Variants in TSPAN14 observed in about 807,000 individuals in gnomAD.
The protein encoded by TSPAN14 is tetraspanin-14.
TSPAN14 carries 16 observed loss-of-function variants against 36.6 expected under a neutral mutation model. The observed-to-expected ratio is 0.44, with a 90% CI of 0.30 to 0.66. TSPAN14 has a LOEUF of 0.66. Ranked by LOEUF, TSPAN14 falls within the 30% of genes least tolerant of loss-of-function variation. The pLI is 0.12. For missense variants in TSPAN14, 231 were observed against 355.1 expected (o/e 0.65, Z 2.81); for synonymous variants, 139 against 143.8 (o/e 0.97, Z 0.24).
chr10:80,461,555 C>T (rs933672779), intron 1 of TSPAN14, among the ~76,000 whole-genome samples: 20 of 152,074 alleles, frequency 1.3e-4, no homozygotes, highest in African/African-American at 3.6e-4. Context: ...CTCTGGGGTG[C>T]TAAGTGTGTG....
chr10:80,480,179 T>G (rs1283585883), intron 1 of TSPAN14, among the ~76,000 whole-genome samples: 2 of 151,092 alleles, frequency 1.3e-5, no homozygotes, highest in African/African-American at 4.9e-5. Context: ...CTTATCAGCT[T>G]AAGGAGCTTT....
intron 1 of TSPAN14, among the ~76,000 whole-genome samples, chr10:80,475,787 A>G (rs1399658276): frequency 1.3e-5 from 2 of 152,156 alleles, no homozygotes; most frequent in African/African-American, 4.8e-5. Context: ...GGGTTTCACC[A>G]TCTTGGCCAG....
At position 80,509,551 on chromosome 10, in the gene TSPAN14, G is replaced by A. The variant is rs946268191; in HGVS notation, c.450+80G>A. On this transcript the variant is annotated intron_variant, in intron 5 of 8. Coordinates refer to ENST00000429989, the Ensembl canonical transcript of TSPAN14. The surrounding 1 kb of genome is among the most constrained non-coding windows in gnomAD (Gnocchi z 4.7). Reference sequence around the variant, plus strand: ...GGAGCTGAGTCTAGCAGGGGCATCAGGCCTTCTCTGTGGGTTGTCTGCCTG... The same window carrying A: ...GGAGCTGAGTCTAGCAGGGGCATCAAGCCTTCTCTGTGGGTTGTCTGCCTG... 21 of 1,479,956 alleles carry A rather than the reference G, an allele frequency of 1.4e-5. No homozygotes were observed. The highest frequency in any genetic ancestry group is 1.9e-5 in the Non-Finnish European group (21 of 1,090,512). The allele number at this position is 1,479,956 out of a possible 1,614,324, so 91.7% of individuals were successfully genotyped here. A position where few individuals can be genotyped will look rare whatever the true frequency, so the allele number is the denominator to read the frequency against.
intron 1 of TSPAN14, among the ~76,000 whole-genome samples, chr10:80,462,071 A>G (rs1846002342): frequency 6.6e-6 from 1 of 151,828 alleles, no homozygotes; most frequent in Non-Finnish European, 1.5e-5. Flanking sequence ...GCAGCACCAC[A>G]CCCAGCTAAT....
chr10:80,480,597 G>A (rs1351670920), intron 1 of TSPAN14, among the ~76,000 whole-genome samples: 2 of 152,166 alleles, frequency 1.3e-5, no homozygotes, highest in Admixed American at 6.5e-5. Flanking sequence ...ATACTATGCA[G>A]CCATAAAAAA....
chr10:80,462,369 T>TGGGGTGGGGTGGGATGGGAG (rs1846023020), intron 1 of TSPAN14, among the ~76,000 whole-genome samples: 4 of 20,140 alleles, frequency 2.0e-4, no homozygotes, highest in Admixed American at 7.3e-4. Context: ...TGGGATGGGA[T>TGGGGTGGGGTGGGATGGGAG]GGGGTGGGGT....
intron 6 of TSPAN14, among the ~76,000 whole-genome samples, chr10:80,512,657 CTG>C (rs1421521884): frequency 6.6e-6 from 1 of 152,168 alleles, no homozygotes; most frequent in Non-Finnish European, 1.5e-5. Flanking sequence ...ACATCATTAA[CTG>C]GGGAACAGTA....
chr10:80,512,084 TG>T, intron 5 of TSPAN14, 59 bp from the exon 6 acceptor site: 1 of 1,611,100 alleles, frequency 6.2e-7, no homozygotes, highest in Non-Finnish European at 8.5e-7. Context: ...TGATGCCCTA[TG>T]CTGGGCAGCC....
chr10:80,518,108 C>G, exon 9 of TSPAN14: 1 of 940,976 alleles, frequency 1.1e-6, no homozygotes. Flanking sequence ...ATCAGCGTGA[C>G]GTGACCTCTC....
intron 1 of TSPAN14, among the ~76,000 whole-genome samples, chr10:80,461,132 G>A (rs1845943804): frequency 1.3e-5 from 2 of 152,092 alleles, no homozygotes; most frequent in Admixed American, 1.3e-4. Context: ...TTTTCTCTCT[G>A]GCCCTCCTGT....
chr10:80,456,358 C>G (rs771526316), intron 1 of TSPAN14, among the ~76,000 whole-genome samples: 14 of 152,140 alleles, frequency 9.2e-5, no homozygotes, highest in Non-Finnish European at 1.3e-4. Context: ...GGAATTGTCC[C>G]CTTCACCAGC....
At chr10:80,492,434 T>C (rs551505390) in intron 2 of TSPAN14, among the ~76,000 whole-genome samples, 17 of 152,320 alleles carry the variant, frequency 1.1e-4, no homozygotes, top group African/African-American at 4.1e-4. Context: ...CAAGTTTGAA[T>C]GTGCAGAAGG....
intron 1 of TSPAN14, among the ~76,000 whole-genome samples, chr10:80,476,686 A>C (rs931930612): frequency 6.6e-6 from 1 of 152,014 alleles, no homozygotes; most frequent in African/African-American, 2.4e-5. Flanking sequence ...AAGTGCTGGG[A>C]TTACAGGAGT....
At chr10:80,504,673 T>C in intron 2 of TSPAN14, 55 bp from the exon 3 acceptor site, 1 of 1,609,658 alleles carries the variant, frequency 6.2e-7, no homozygotes, top group Non-Finnish European at 8.5e-7. Flanking sequence ...TGAAGCATGT[T>C]CACAGTGCTG....
In TSPAN14 at chr10:80,509,672, T is replaced by C; in HGVS notation, c.450+201T>C. 1 of 596,192 alleles carries C rather than the reference T, an allele frequency of 1.7e-6. No homozygotes were observed. The highest frequency in any genetic ancestry group is 2.1e-5 in the South Asian group (1 of 48,054). The allele number at this position is 596,192 out of a possible 1,614,324, so 36.9% of individuals were successfully genotyped here. A position where few individuals can be genotyped will look rare whatever the true frequency, so the allele number is the denominator to read the frequency against. On this transcript the variant is annotated intron_variant, in intron 5 of 8. Transcript: ENST00000429989. The surrounding 1 kb of genome is among the most constrained non-coding windows in gnomAD (Gnocchi z 4.7). ...TGTGGTTGCCTGGTGGGCCAGCCCT[T>C]TCCCATTGGGATTGGGCAGGCAAGT...
chr10:80,468,540 G>A (rs1846362320), intron 1 of TSPAN14: 1 of 152,116 alleles, frequency 6.6e-6, no homozygotes, highest in Non-Finnish European at 1.5e-5. Context: ...TTCCTTCTGT[G>A]TGTCAGCGTT....
Position 80,495,335 on chromosome 10 carries a change from C to CTGTGTGTGTGTG in TSPAN14, c.81+6053_81+6064dup, listed in dbSNP as rs3041272. ...ATAGGAAGTTGACTGTCTTTTGGCA[C>CTGTGTGTGTGTG]TGTGTGTGTGTGTGTGTGTGTGTGT... On this transcript the variant is annotated intron_variant, in intron 2 of 8. Transcript: ENST00000429989. Among the ~76,000 whole-genome samples the CTGTGTGTGTGTG allele has an allele frequency of 1.2e-3, 168 of 135,716 alleles. 1 individual carries two copies. Among genetic ancestry groups the CTGTGTGTGTGTG allele is most frequent in the Non-Finnish European group, 1.8e-3 (117 of 64,682 alleles). The allele number at this position is 135,716 out of a possible 152,430, so 89.0% of individuals were successfully genotyped here.
At chr10:80,520,959 C>G (rs1167442477) in exon 9 of TSPAN14, 1 of 434,314 alleles carries the variant, frequency 2.3e-6, no homozygotes. Flanking sequence ...CCGGGGAATC[C>G]CACTACCCAC....
At chr10:80,501,105 GTT>G (rs10713598) in intron 2 of TSPAN14, among the ~76,000 whole-genome samples, 89 of 140,018 alleles carry the variant, frequency 6.4e-4, no homozygotes, top group Middle Eastern at 3.6e-3. Flanking sequence ...AACTGACGCT[GTT>G]TTTTTTTTTT....
Sources: allele counts gnomAD v4.1 joint callset (sites outside exome capture counted in the v4.1 genomes callset), GRCh38; gene constraint gnomAD v4.1.1; non-coding constraint Gnocchi (gnomAD v3.1); transcripts MANE v1.5; gene names NCBI Gene and HGNC (gene_info 2026-07-23, HGNC 2026-07-21).